The following PHB1 variants were observed in gnomAD, a reference collection of about 807,000 sequenced individuals.
The protein encoded by PHB1 is epididymis luminal protein 215.
chr17:49,414,473 T>G, the PHB1 span: 2 of 152,150 alleles, frequency 1.3e-5, no homozygotes, highest in South Asian at 4.1e-4. Flanking sequence ...CATGTAACTT[T>G]CTAACGCTCC....
the PHB1 span, chr17:49,408,882 C>T: frequency 1.6e-6 from 1 of 607,872 alleles, no homozygotes; most frequent in Admixed American, 3.0e-5. Context: ...AACTGAAAAA[C>T]CCACGGAGAC....
chr17:49,409,823 A>G, the PHB1 span, among the ~76,000 whole-genome samples: 1 of 152,018 alleles, frequency 6.6e-6, no homozygotes, highest in African/African-American at 2.4e-5. Flanking sequence ...GGTGTGAGCC[A>G]CCGCACCTGG....
At chr17:49,411,632 C>A in the PHB1 span, 3 of 1,554,732 alleles carry the variant, frequency 1.9e-6, no homozygotes, top group South Asian at 3.4e-5. Flanking sequence ...GAACAGAGCA[C>A]CTCTTCCACA....
the PHB1 span, chr17:49,406,745 G>A: frequency 6.3e-7 from 1 of 1,597,966 alleles, no homozygotes; most frequent in African/African-American, 1.3e-5. Context: ...CCTGCCATCT[G>A]GTCGAAGGCT....
chr17:49,414,255 T>A, the PHB1 span: 5 of 152,138 alleles, frequency 3.3e-5, no homozygotes, highest in Non-Finnish European at 7.4e-5. Flanking sequence ...CTCACCATAC[T>A]GCTTGTCAAC....
the PHB1 span, chr17:49,404,649 C>G: frequency 2.7e-6 from 1 of 370,072 alleles, no homozygotes; most frequent in African/African-American, 2.1e-5. Flanking sequence ...ACCTGTGCTC[C>G]CCAGTCCATC....
At chr17:49,409,427 G>A in the PHB1 span, 37 of 1,613,416 alleles carry the variant, frequency 2.3e-5, no homozygotes, top group Non-Finnish European at 3.0e-5. Context: ...GCTGGCTGGC[G>A]ACAGGCCGGA....
the PHB1 span, chr17:49,409,507 TAAAAA>T: frequency 8.1e-7 from 1 of 1,234,336 alleles, no homozygotes; most frequent in Non-Finnish European, 1.1e-6. Flanking sequence ...GAGTTAAAAA[TAAAAA>T]CCACTGTAGG....
At chr17:49,407,064 T>TA in the PHB1 span, 278 of 578,442 alleles carry the variant, frequency 4.8e-4, 1 homozygote, top group Non-Finnish European at 7.3e-4. Flanking sequence ...TCCTGTATAT[T>TA]ACTCTGTCAC....
At chr17:49,407,000 C>G in the PHB1 span, 1 of 659,468 alleles carries the variant, frequency 1.5e-6, no homozygotes, top group Admixed American at 2.2e-5. Context: ...CTTCCACCTC[C>G]GTATCTGTAT....
the PHB1 span, chr17:49,413,171 C>T: frequency 1.2e-6 from 2 of 1,606,334 alleles, no homozygotes; most frequent in East Asian, 2.2e-5. Context: ...TCCCTCCATG[C>T]CTCACCATTA....
the PHB1 span, chr17:49,405,309 G>C: frequency 1.1e-6 from 1 of 931,440 alleles, no homozygotes; most frequent in African/African-American, 1.6e-5. Context: ...GCTCCTGAAG[G>C]AACTCGGGGA....
chr17:49,411,347 C>T, the PHB1 span, among the ~76,000 whole-genome samples: 1 of 151,636 alleles, frequency 6.6e-6, no homozygotes, highest in Non-Finnish European at 1.5e-5. Flanking sequence ...ATTACAGGCA[C>T]CCCCCACCAC....
the PHB1 span, chr17:49,411,660 A>G: frequency 6.2e-7 from 1 of 1,611,550 alleles, no homozygotes; most frequent in Admixed American, 1.7e-5. Flanking sequence ...CTTTACCTGA[A>G]CCATAGGCAA....
the PHB1 span, chr17:49,408,779 G>A: frequency 2.5e-6 from 1 of 396,670 alleles, no homozygotes; most frequent in Non-Finnish European, 4.5e-6. Context: ...ACAGTTTGGA[G>A]AAGGTAAAAC....
At chr17:49,410,291 C>T in the PHB1 span, among the ~76,000 whole-genome samples, 7 of 152,304 alleles carry the variant, frequency 4.6e-5, no homozygotes, top group East Asian at 1.2e-3. Flanking sequence ...GTAGCTGACA[C>T]GCACCACTGT....
At chr17:49,407,450 C>T in the PHB1 span, 712 of 154,148 alleles carry the variant, frequency 4.6e-3, 6 homozygotes, top group African/African-American at 0.016. Context: ...TTCTGTTAAA[C>T]GGTTTAAAAG....
the PHB1 span, among the ~76,000 whole-genome samples, chr17:49,410,924 G>C: frequency 6.6e-6 from 1 of 152,210 alleles, no homozygotes; most frequent in East Asian, 1.9e-4. Flanking sequence ...AGGATCCAGG[G>C]AGAGAATTAT....
chr17:49,412,962 CT>C, the PHB1 span: 1 of 502,254 alleles, frequency 2.0e-6, no homozygotes, highest in Non-Finnish European at 3.6e-6. Flanking sequence ...CTGGGAAGCT[CT>C]TTTTGAATAC....
Sources: allele counts gnomAD v4.1 joint callset (sites outside exome capture counted in the v4.1 genomes callset), GRCh38; gene constraint gnomAD v4.1.1; transcripts MANE v1.5; gene names NCBI Gene and HGNC (gene_info 2026-07-23, HGNC 2026-07-21).